LRFN2: variants seen among roughly 807,000 people sequenced by gnomAD.
The protein encoded by LRFN2 is leucine-rich repeat and fibronectin type-III domain-containing protein 2.
In LRFN2, 18 loss-of-function variants were observed where a neutral mutation model predicts 37.3. The observed-to-expected ratio is 0.48, with a 90% confidence interval of 0.33 to 0.72. The LOEUF is 0.72. Ranked by LOEUF, LRFN2 falls within the 30% of genes least tolerant of loss-of-function variation. LRFN2 has a pLI of 0.02. For missense variants in LRFN2, 1,006 were observed against 1,060.7 expected (o/e 0.95, Z 0.72); for synonymous variants, 556 against 466.6 (o/e 1.19, Z -2.47).
intron 2 of LRFN2, among the ~76,000 whole-genome samples, chr6:40,429,216 AT>A (rs1348693412): frequency 6.6e-6 from 1 of 152,190 alleles, no homozygotes; most frequent in Non-Finnish European, 1.5e-5. Flanking sequence ...AATAAAAGTA[AT>A]TTGAATTCCC....
chr6:40,425,575 C>A (rs1763333469), intron 2 of LRFN2, among the ~76,000 whole-genome samples: 1 of 152,236 alleles, frequency 6.6e-6, no homozygotes, highest in Non-Finnish European at 1.5e-5. Flanking sequence ...CCCTACCCCT[C>A]ATTGACTTCT....
intron 1 of LRFN2, among the ~76,000 whole-genome samples, chr6:40,455,253 C>T (rs1764209054): frequency 6.6e-6 from 1 of 152,222 alleles, no homozygotes; most frequent in Admixed American, 6.5e-5. Context: ...AATGCCTGTG[C>T]ATCTCTGAGA....
intron 1 of LRFN2, 74 bp from the exon 2 acceptor site, chr6:40,433,205 C>T: frequency 7.8e-7 from 1 of 1,284,720 alleles, no homozygotes. Context: ...TCCTCCCTCA[C>T]ATTAACCCTC....
chr6:40,485,400 C>A (rs1218380883), intron 1 of LRFN2, among the ~76,000 whole-genome samples: 2 of 152,200 alleles, frequency 1.3e-5, no homozygotes, highest in Non-Finnish European at 2.9e-5. Flanking sequence ...AGTAGTTCAA[C>A]ATGTTTATGG....
chr6:40,426,682 C>A (rs1490349221), intron 2 of LRFN2, among the ~76,000 whole-genome samples: 1 of 152,166 alleles, frequency 6.6e-6, no homozygotes, highest in Non-Finnish European at 1.5e-5. Context: ...TCTTTTCCAC[C>A]CACAAATACT....
chr6:40,515,712 A>C (rs573456812), intron 1 of LRFN2, among the ~76,000 whole-genome samples: 1 of 152,164 alleles, frequency 6.6e-6, no homozygotes, highest in South Asian at 2.1e-4. Flanking sequence ...AACGTGGTGA[A>C]ACCCCGTCTC....
At chr6:40,455,380 A>T (rs1029651190) in intron 1 of LRFN2, among the ~76,000 whole-genome samples, 9 of 152,182 alleles carry the variant, frequency 5.9e-5, no homozygotes, top group Admixed American at 4.6e-4. Context: ...CCATGCAGCC[A>T]TGTGGATTCC....
intron 1 of LRFN2, among the ~76,000 whole-genome samples, chr6:40,556,838 T>A (rs902162494): frequency 6.6e-6 from 1 of 151,956 alleles, no homozygotes; most frequent in Non-Finnish European, 1.5e-5. Context: ...GACCCCAAGT[T>A]TGACCCACTC....
At chr6:40,570,456 C>T (rs1044590151) in intron 1 of LRFN2, among the ~76,000 whole-genome samples, 2 of 152,180 alleles carry the variant, frequency 1.3e-5, no homozygotes, top group African/African-American at 2.4e-5. Flanking sequence ...CAGAGTCACA[C>T]AGCACTGAGT....
intron 1 of LRFN2, among the ~76,000 whole-genome samples, chr6:40,563,744 G>T (rs1767041399): frequency 6.6e-6 from 1 of 152,124 alleles, no homozygotes; most frequent in Non-Finnish European, 1.5e-5. Flanking sequence ...AAGATGATAA[G>T]ACAGATGTGG....
At chr6:40,424,082 C>T (rs1284040285) in intron 2 of LRFN2, among the ~76,000 whole-genome samples, 1 of 152,168 alleles carries the variant, frequency 6.6e-6, no homozygotes, top group East Asian at 1.9e-4. Flanking sequence ...TTCTGTGATG[C>T]CTCTAGCAAC....
chr6:40,508,720 C>T (rs917880164), intron 1 of LRFN2, among the ~76,000 whole-genome samples: 2 of 152,196 alleles, frequency 1.3e-5, no homozygotes, highest in Non-Finnish European at 2.9e-5. Context: ...TAAAGCTGTG[C>T]TTGGCATGAC....
intron 1 of LRFN2, among the ~76,000 whole-genome samples, chr6:40,507,272 T>A (rs954036545): frequency 7.2e-5 from 11 of 152,160 alleles, no homozygotes; most frequent in African/African-American, 2.7e-4. Flanking sequence ...TTGCCTTGGT[T>A]TAGTTCATGA....
intron 2 of LRFN2, among the ~76,000 whole-genome samples, chr6:40,426,981 A>T (rs981596198): frequency 6.6e-6 from 1 of 152,214 alleles, no homozygotes; most frequent in Non-Finnish European, 1.5e-5. Context: ...CAGCTCCATC[A>T]CATTGTGGCC....
intron 2 of LRFN2, among the ~76,000 whole-genome samples, chr6:40,425,946 T>A (rs1446756127): frequency 3.9e-5 from 6 of 152,232 alleles, no homozygotes; most frequent in Non-Finnish European, 7.3e-5. Flanking sequence ...TAGACCCTGA[T>A]GTTTTCAGAC....
At chr6:40,455,688 C>A (rs1339879691) in intron 1 of LRFN2, among the ~76,000 whole-genome samples, 1 of 152,124 alleles carries the variant, frequency 6.6e-6, no homozygotes, top group African/African-American at 2.4e-5. Flanking sequence ...TATTTTGTGG[C>A]CTTGAGCACA....
intron 2 of LRFN2, among the ~76,000 whole-genome samples, chr6:40,406,714 C>T (rs1055589891): frequency 6.6e-6 from 1 of 152,238 alleles, no homozygotes; most frequent in East Asian, 1.9e-4. Context: ...CCAATGCAAC[C>T]CCACAGCTGC....
chr6:40,582,526 C>T (rs1393860181), intron 1 of LRFN2, among the ~76,000 whole-genome samples: 5 of 151,880 alleles, frequency 3.3e-5, no homozygotes, highest in Non-Finnish European at 5.9e-5. Context: ...CTCTATAGTT[C>T]CAGTCTGTTC....
intron 1 of LRFN2, among the ~76,000 whole-genome samples, chr6:40,466,526 G>A (rs954417748): frequency 1.3e-5 from 2 of 151,878 alleles, no homozygotes; most frequent in African/African-American, 4.9e-5. Context: ...TCCATCATGA[G>A]ATGATACAGG....
Sources: gnomAD v4.1 joint callset for allele counts (sites outside exome capture counted in the v4.1 genomes callset) on GRCh38, gnomAD v4.1.1 for gene constraint, MANE v1.5 for transcripts, NCBI Gene and HGNC (gene_info 2026-07-23, HGNC 2026-07-21) for gene names.